Variants in AHDC1 observed in about 807,000 individuals in gnomAD.
AHDC1 encodes AT-hook DNA binding motif containing 1.
AHDC1 carries 7 observed loss-of-function variants against 87.9 expected under a neutral mutation model. That is an observed-to-expected ratio of 0.08 (90% confidence interval 0.05 to 0.15). The LOEUF (loss-of-function observed/expected upper bound fraction) is 0.15. Among genes scored for constraint, AHDC1 ranks in the 10% least tolerant of loss-of-function variants. The pLI is 1.00. For missense variants in AHDC1, 1,841 were observed against 2,253.2 expected, an observed-to-expected ratio of 0.82 and a Z score of 3.70; for synonymous variants, 1,051 against 1,006.8, an observed-to-expected ratio of 1.04 and a Z score of -0.83.
Position 27,548,670 on chromosome 1 carries a change from G to A in AHDC1, c.3446C>T (p.Thr1149Ile). Residue 1149 changes from threonine (T) to isoleucine (I), a missense_variant, in exon 8 of 9, where the codon ACA becomes ATA. Transcript: ENST00000673934. The stretch of plus-strand genomic sequence containing the variant: ...CGTCTGCTGCTTCACCTTCTGCGGT[G>A]TGTAGTTGGAGATGTCCAGGATCAC... ...PNVILDISNY[T>I]PQKVKQQTAV... The A allele has an allele frequency of 1.2e-6, 2 of 1,613,464 alleles. No homozygotes were observed. Among genetic ancestry groups the A allele is most frequent in the Non-Finnish European group, 1.7e-6 (2 of 1,180,052 alleles).
At position 27,548,576 on chromosome 1, in the gene AHDC1, C is replaced by A; in HGVS notation, c.3540G>T (p.Gly1180=). 1 of 1,613,570 alleles carries A rather than the reference C, an allele frequency of 6.2e-7. No individual in the cohort carries two copies. Among genetic ancestry groups the A allele is most frequent in the African/African-American group, 1.3e-5 (1 of 75,072 alleles). The part of the protein sequence containing the change: ...STQFNQPVGG[G]GFRRANSEAS... ...CCTCGCTGTTGGCACGCCGAAACCC[C>A]CCGCCACCAACCGGCTGATTGAACT... Residue 1180 remains glycine (G), a synonymous_variant, in exon 8 of 9, where the codon GGG becomes GGT. Coordinates refer to ENST00000673934, the MANE Select transcript of AHDC1 (RefSeq NM_001371928.1).
At chr1:27,575,588 G>A (rs2088700709) in intron 3 of AHDC1, among the ~76,000 whole-genome samples, 1 of 151,730 alleles carries the variant, frequency 6.6e-6, no homozygotes. Flanking sequence ...AATTCCAGAA[G>A]CTCTCCATCA....
rs749294057 is a variant in AHDC1 at position 27,550,993 on chromosome 1, CG to C, written c.1122del (p.Pro376LeufsTer76). ...GCGTACTTGGGGTGACCCTCAGGCC[CG>C]GGGGGGCCGTGCGGTGAGCACAAGT... ...RLDLCSPHGP[P>X]GPEGHPKYAL... is the part of the protein sequence containing the mutation. On this transcript the variant is annotated frameshift_variant, in exon 8 of 9. Transcript: ENST00000673934. LOFTEE classifies it high-confidence loss of function. 1.0e-5 allele frequency: 16 copies of C among 1,579,150 alleles called. No homozygotes were observed. Among genetic ancestry groups the C allele is most frequent in the Admixed American group, 5.3e-5 (3 of 56,350 alleles).
At position 27,593,713 on chromosome 1, in the gene AHDC1, AC is replaced by A. The variant is rs1197356245; in HGVS notation, c.-629+9683del. 2.0e-5 allele frequency among the ~76,000 whole-genome samples: 3 copies of A among 151,906 alleles called. No homozygotes were observed. Among genetic ancestry groups the A allele is most frequent in the African/African-American group, 2.4e-5 (1 of 41,330 alleles). On this transcript the variant is annotated intron_variant, in intron 3 of 8. Coordinates refer to ENST00000673934, the MANE Select transcript of AHDC1 (RefSeq NM_001371928.1). The surrounding 1 kb of genome is among the most constrained non-coding windows in gnomAD (Gnocchi z 4.9). ...TCTGCTCTGAACCCCTCCCTATCTC[AC>A]CAATCCCTGCTATCCCCCCAGGGTG... is the stretch of plus-strand genomic sequence containing the variant.
intron 3 of AHDC1, among the ~76,000 whole-genome samples, chr1:27,596,364 G>C (rs990800091): frequency 6.6e-6 from 1 of 152,096 alleles, no homozygotes; most frequent in Non-Finnish European, 1.5e-5. Flanking sequence ...CACAGGCTGG[G>C]GGTGGGGGAA....
At chr1:27,575,965 C>G (rs759902775) in intron 3 of AHDC1, among the ~76,000 whole-genome samples, 9 of 152,178 alleles carry the variant, frequency 5.9e-5, no homozygotes, top group South Asian at 4.2e-4. Context: ...GGCTCTGCCC[C>G]GGCCCGGGGA....
intron 8 of AHDC1, among the ~76,000 whole-genome samples, chr1:27,538,400 C>CAAAAAAAAAAA (rs370786800): frequency 0.024 from 1,447 of 60,510 alleles, 59 homozygotes; most frequent in African/African-American, 0.072. Context: ...AAGACTGTCT[C>CAAAAAAAAAAA]AAAAAAAAAA....
chr1:27,562,525 T>C lies in AHDC1; in HGVS notation c.-628-3642A>G, dbSNP rs1308934001. 1.3e-5 allele frequency among the ~76,000 whole-genome samples: 2 copies of C among 152,120 alleles called. No homozygotes were observed. Among genetic ancestry groups the C allele is most frequent in the Admixed American group, 1.3e-4 (2 of 15,282 alleles). On this transcript the variant is annotated intron_variant, in intron 3 of 8. Transcript: ENST00000673934. This position sits in a 1 kb window ranked among gnomAD's most constrained non-coding sequence, Gnocchi z 4.4. Reference sequence around the variant, plus strand: ...GTGCCCCACCTCACAGACACACACCTGCCCTGGCCCTAAAGGCCCTTCTCC... The same window carrying C: ...GTGCCCCACCTCACAGACACACACCCGCCCTGGCCCTAAAGGCCCTTCTCC...
Position 27,550,908 on chromosome 1 carries a change from C to T in AHDC1, c.1208G>A (p.Arg403His), listed in dbSNP as rs1446637911. The T allele has an allele frequency of 5.0e-6, 8 of 1,595,766 alleles. No homozygotes were observed. The highest frequency in any genetic ancestry group is 1.7e-5 in the Admixed American group (1 of 59,152). ...GCCCTCGGGTCCGGCGTCTGCCTTG[C>T]GTCCCCGTCCGGCTTTCCGCCGGCG... ...LCRRRKAGRG[R>H]KADAGPEGRL... The change falls in exon 8 of 9, where the codon CGC becomes CAC. Residue 403 changes from arginine (R) to histidine (H), a missense_variant. Physicochemically the swap from Arg to His is conservative, Grantham distance 29 (BLOSUM62 0). Coordinates refer to ENST00000673934, the MANE Select transcript of AHDC1 (RefSeq NM_001371928.1).
intron 3 of AHDC1, among the ~76,000 whole-genome samples, chr1:27,583,904 A>T (rs2088976691): frequency 6.6e-6 from 1 of 152,188 alleles, no homozygotes; most frequent in Non-Finnish European, 1.5e-5. Context: ...TGAAGGCTTC[A>T]GCCTCCTCTC....
intron 3 of AHDC1, chr1:27,567,878 G>C (rs568888681): frequency 6.6e-6 from 1 of 152,400 alleles, no homozygotes; most frequent in Admixed American, 6.5e-5. Flanking sequence ...CCAGTTTGTG[G>C]GGAGGGACAG....
rs751027836 is a variant in AHDC1 at position 27,551,868 on chromosome 1, G to C, written c.248C>G (p.Pro83Arg). 3.2e-5 allele frequency: 52 copies of C among 1,608,788 alleles called. No individual in the cohort carries two copies. In the African/African-American group the frequency reaches 6.7e-4, roughly 21 times the overall value. The change falls in exon 8 of 9, where the codon CCG becomes CGG. Residue 83 changes from proline (P) to arginine (R), a missense_variant. Pro to Arg is a moderately radical substitution (Grantham distance 103). Coordinates refer to ENST00000673934, the MANE Select transcript of AHDC1 (RefSeq NM_001371928.1). ...RPPVLAKGDD[P>R]LPPRAARPVS... ...AGGACGGGCTGCCCGTGGGGGCAGCGGGTCGTCCCCCTTGGCAAGGACTGG... is the reference window on the plus strand; with the variant it reads ...AGGACGGGCTGCCCGTGGGGGCAGCCGGTCGTCCCCCTTGGCAAGGACTGG...
At chr1:27,594,443 T>TG (rs2089309206) in intron 3 of AHDC1, among the ~76,000 whole-genome samples, 1 of 152,214 alleles carries the variant, frequency 6.6e-6, no homozygotes, top group Admixed American at 6.5e-5. Flanking sequence ...GGCTGGGTAC[T>TG]GAGAGTTCCT....
intron 3 of AHDC1, among the ~76,000 whole-genome samples, chr1:27,578,503 C>T (rs951927447): frequency 5.3e-5 from 8 of 151,596 alleles, no homozygotes; most frequent in African/African-American, 1.5e-4. Context: ...GCAGGAGAAT[C>T]GCTTCAACTC....
In AHDC1 at chr1:27,550,928, C is replaced by A; in HGVS notation, c.1188G>T (p.Arg396=). 1 of 1,598,360 alleles carries A rather than the reference C, an allele frequency of 6.3e-7. No homozygotes were observed. Among genetic ancestry groups the A allele is most frequent in the Non-Finnish European group, 8.5e-7 (1 of 1,178,030 alleles). ...RTDRPKILCR[R]RKAGRGRKAD... is the part of the protein sequence containing the mutation. ...CCTTGCGTCCCCGTCCGGCTTTCCG[C>A]CGGCGACACAGGATCTTTGGCCTAT... Residue 396 remains arginine, a synonymous_variant, in exon 8 of 9, where the codon CGG becomes CGT. Transcript: ENST00000673934.
chr1:27,602,980 CTTCATT>C (rs2089574852), intron 3 of AHDC1, among the ~76,000 whole-genome samples: 1 of 136,198 alleles, frequency 7.3e-6, no homozygotes, highest in African/African-American at 3.0e-5. Context: ...ACGGTCCCCC[CTTCATT>C]CCCCCCCCCC....
chr1:27,547,506 C>G lies in AHDC1; in HGVS notation c.4610G>C (p.Gly1537Ala), dbSNP rs778259550. 1.2e-6 allele frequency: 2 copies of G among 1,608,422 alleles called. No individual in the cohort carries two copies. Among genetic ancestry groups the G allele is most frequent in the Non-Finnish European group, 1.7e-6 (2 of 1,176,654 alleles). ...PPRGPAAAAA[G>A]YGCPLLSDLT... Reference sequence around the variant, plus strand: ...GTCACTAAGGAGTGGGCAGCCATAGCCAGCAGCGGCTGCAGCAGGGCCACG... The same window carrying G: ...GTCACTAAGGAGTGGGCAGCCATAGGCAGCAGCGGCTGCAGCAGGGCCACG... Residue 1537 changes from glycine to alanine, a missense_variant, in exon 8 of 9, where the codon GGC (glycine) becomes GCC (alanine). By Grantham distance (60) the Gly-to-Ala change is moderately conservative (BLOSUM62 0). Coordinates refer to ENST00000673934, the MANE Select transcript of AHDC1 (RefSeq NM_001371928.1). This position sits in a 1 kb window ranked among gnomAD's most constrained non-coding sequence, Gnocchi z 4.9.
intron 3 of AHDC1, among the ~76,000 whole-genome samples, chr1:27,603,111 G>A (rs1283109637): frequency 6.6e-6 from 1 of 151,120 alleles, no homozygotes; most frequent in African/African-American, 2.4e-5. Context: ...CCCCGAGCCG[G>A]GGGAGCCGCG....
rs370923150 is a variant in AHDC1, at chr1:27,597,570, C to G, written c.-629+5827G>C. Among the ~76,000 whole-genome samples, 68 of 152,166 alleles carry G rather than the reference C, an allele frequency of 4.5e-4. No individual in the cohort carries two copies. In the South Asian group the frequency reaches 0.014, roughly 31 times the overall value. ...CCCCCTCCCCCTATGAAAAGAGGAGCAGGGAGCAAGGGGCTCTGGGCGGCT... is the reference window on the plus strand; with the variant it reads ...CCCCCTCCCCCTATGAAAAGAGGAGGAGGGAGCAAGGGGCTCTGGGCGGCT... On this transcript the variant is annotated intron_variant, in intron 3 of 8. Coordinates refer to ENST00000673934, the MANE Select transcript of AHDC1 (RefSeq NM_001371928.1).
Sources: allele counts gnomAD v4.1 joint callset (sites outside exome capture counted in the v4.1 genomes callset), GRCh38; gene constraint gnomAD v4.1.1; non-coding constraint Gnocchi (gnomAD v3.1); transcripts MANE v1.5; gene names NCBI Gene and HGNC (gene_info 2026-07-23, HGNC 2026-07-21).